The following MAVS variants were observed in gnomAD, a reference collection of about 807,000 sequenced individuals.
MAVS encodes mitochondrial antiviral-signaling protein.
A neutral mutation model predicts 30.2 loss-of-function variants in MAVS; 20 were observed. The ratio of observed to expected loss-of-function variants is 0.66; its 90% CI spans 0.47 to 0.96. The LOEUF (loss-of-function observed/expected upper bound fraction) is 0.96, where lower values mean the gene tolerates loss of function less well. MAVS is among the 40% of genes least tolerant of loss of function. MAVS has a pLI of 0.00. For synonymous variants in MAVS, 278 were observed against 293.9 expected (o/e 0.95, Z 0.55); for missense variants, 624 against 701.1 (o/e 0.89, Z 1.24).
intron 4 of MAVS, among the ~76,000 whole-genome samples, chr20:3,861,742 T>TG (rs2089868849): frequency 7.0e-6 from 1 of 142,478 alleles, no homozygotes; most frequent in African/African-American, 2.6e-5. Flanking sequence ...AGACCACAGT[T>TG]TTGTGTGTGT....
rs758877605 is a variant in MAVS at position 3,866,011 on chromosome 20, A to G, written c.1487A>G (p.Gln496Arg). 22 of 1,612,748 alleles carry G rather than the reference A, an allele frequency of 1.4e-5. No individual in the cohort carries two copies. In the South Asian group the frequency reaches 1.5e-4, roughly 11 times the overall value. Residue 496 changes from glutamine (Q) to arginine (R), a missense_variant, in exon 7 of 7, where the codon CAA becomes CGA. Gln to Arg is a conservative substitution (Grantham distance 43, BLOSUM62 1). Coordinates refer to ENST00000428216, the MANE Select transcript of MAVS (RefSeq NM_020746.5). ...GACCCGGATGGCGGCCCCAGGCCAC[A>G]AGCCGACCGGAAGTTCCAGGAGAGG... Reference protein sequence around the residue: ...PADPDGGPRPQADRKFQEREV... With the variant: ...PADPDGGPRPRADRKFQEREV...
chr20:3,854,200 C>T (rs13042664), intron 1 of MAVS, among the ~76,000 whole-genome samples: 71,470 of 151,214 alleles, frequency 0.47, 19,238 homozygotes, highest in East Asian at 0.76. Flanking sequence ...GGCGGGTGGA[C>T]CACTTGAGGT....
At chr20:3,851,666 T>C (rs2089760939) in intron 1 of MAVS, among the ~76,000 whole-genome samples, 1 of 151,914 alleles carries the variant, frequency 6.6e-6, no homozygotes, top group African/African-American at 2.4e-5. Flanking sequence ...ATCTTAAGAA[T>C]GTATGTGGGC....
At chr20:3,851,925 A>C (rs943482114) in intron 1 of MAVS, among the ~76,000 whole-genome samples, 1 of 151,714 alleles carries the variant, frequency 6.6e-6, no homozygotes, top group Non-Finnish European at 1.5e-5. Context: ...ATTGTACTCC[A>C]GCCTGGGCAA....
chr20:3,853,293 T>A lies in MAVS; in HGVS notation c.-67-1265T>A, dbSNP rs370558532. Among the ~76,000 whole-genome samples the A allele has an allele frequency of 2.7e-5, 4 of 150,456 alleles. No homozygotes were observed. The East Asian group carries it at 8.1e-4, about 30-fold the overall frequency. ...CGAGGTCAGTAAATCGAGACCATCC[T>A]GGCTAACCCCGTGAAACCCCGTCTC... On this transcript the variant is annotated intron_variant, in intron 1 of 6. Coordinates refer to ENST00000428216, the MANE Select transcript of MAVS (RefSeq NM_020746.5).
Position 3,854,648 on chromosome 20 carries a change from CTATAAG to C in MAVS, c.29_34del (p.Lys10_Tyr11del). 1 of 1,613,790 alleles carries C rather than the reference CTATAAG, an allele frequency of 6.2e-7. No individual in the cohort carries two copies. Among genetic ancestry groups the C allele is most frequent in the Non-Finnish European group, 8.5e-7 (1 of 1,179,844 alleles). Reference sequence around the variant, plus strand: ...CAATGCCGTTTGCTGAAGACAAGACCTATAAGTATATCTGCCGCAATTTCAGCAATT... The same window carrying C: ...CAATGCCGTTTGCTGAAGACAAGACCTATATCTGCCGCAATTTCAGCAATT... On this transcript the variant is annotated inframe_deletion, in exon 2 of 7. Coordinates refer to ENST00000428216, the MANE Select transcript of MAVS (RefSeq NM_020746.5).
Position 3,866,007 on chromosome 20 carries a change from C to T in MAVS, c.1483C>T (p.Pro495Ser), listed in dbSNP as rs753244906. The change falls in exon 7 of 7, where the codon CCA (proline) becomes TCA (serine). Residue 495 changes from proline to serine, a missense_variant. Physicochemically the swap from Pro to Ser is moderately conservative, Grantham distance 74 (BLOSUM62 -1). Coordinates refer to ENST00000428216, the MANE Select transcript of MAVS (RefSeq NM_020746.5). Reference protein sequence around the residue: ...PPADPDGGPRPQADRKFQERE... With the variant: ...PPADPDGGPRSQADRKFQERE... ...TGCGGACCCGGATGGCGGCCCCAGG[C>T]CACAAGCCGACCGGAAGTTCCAGGA... 7 of 1,612,928 alleles carry T rather than the reference C, an allele frequency of 4.3e-6. No homozygotes were observed. The Admixed American group carries it at 1.2e-4, about 27-fold the overall frequency.
chr20:3,853,455 C>A (rs2089781550), intron 1 of MAVS, among the ~76,000 whole-genome samples: 1 of 148,358 alleles, frequency 6.7e-6, no homozygotes, highest in Admixed American at 6.8e-5. Flanking sequence ...CACCGCACTC[C>A]AGCCTGGGCG....
chr20:3,849,685 C>A lies in MAVS; in HGVS notation c.-68+2782C>A, dbSNP rs76768480. Among the ~76,000 whole-genome samples, 1,375 of 152,246 alleles carry A rather than the reference C, an allele frequency of 9.0e-3. 15 individuals are homozygous for A. Among genetic ancestry groups the A allele is most frequent in the African/African-American group, 0.03 (1,235 of 41,544 alleles). On this transcript the variant is annotated intron_variant, in intron 1 of 6. Transcript: ENST00000428216. Reference sequence around the variant, plus strand: ...GCTAGTTCAGAAAGGCTTCTTTGACCCCCTAGTTCAAGTAGCATGCCTGTC... The same window carrying A: ...GCTAGTTCAGAAAGGCTTCTTTGACACCCTAGTTCAAGTAGCATGCCTGTC...
intron 1 of MAVS, among the ~76,000 whole-genome samples, chr20:3,850,126 A>C (rs1424356879): frequency 6.6e-6 from 1 of 151,270 alleles, no homozygotes; most frequent in African/African-American, 2.4e-5. Context: ...AAATACAAAA[A>C]ATTAGCCGAG....
rs200848451 is a variant in MAVS at position 3,857,858 on chromosome 20, C to T, written c.292+49C>T. 416 of 1,585,608 alleles carry T rather than the reference C, an allele frequency of 2.6e-4. 1 individual carries two copies. In the East Asian group the frequency reaches 6.1e-3, roughly 23 times the overall value. On this transcript the variant is annotated intron_variant, in intron 3 of 6. Coordinates refer to ENST00000428216, the MANE Select transcript of MAVS (RefSeq NM_020746.5). Reference sequence around the variant, plus strand: ...CTGGACCCCCAGCCTGCTCCCTGGCCTCCGCTCTCCTTTTCTCTCTCCCTG... The same window carrying T: ...CTGGACCCCCAGCCTGCTCCCTGGCTTCCGCTCTCCTTTTCTCTCTCCCTG...
At chr20:3,851,294 C>T (rs1188328990) in intron 1 of MAVS, among the ~76,000 whole-genome samples, 4 of 151,974 alleles carry the variant, frequency 2.6e-5, no homozygotes, top group African/African-American at 7.3e-5. Context: ...CGCCACTGCA[C>T]TCCAGCCTGG....
At chr20:3,854,893 T>C in intron 2 of MAVS, 152 bp downstream of exon 2, 1 of 314,362 alleles carries the variant, frequency 3.2e-6, no homozygotes, top group Non-Finnish European at 6.0e-6. Context: ...CTGCTTTTCT[T>C]TTTTTTTTTT....
chr20:3,854,591 G>A lies in MAVS; in HGVS notation c.-34G>A, dbSNP rs1422366508. The A allele has an allele frequency of 6.7e-7, 1 of 1,498,072 alleles. No individual in the cohort carries two copies. Among genetic ancestry groups the A allele is most frequent in the South Asian group, 1.2e-5 (1 of 86,770 alleles). The allele number at this position is 1,498,072 out of a possible 1,614,324, so 92.8% of individuals were successfully genotyped here. ...CCTCTCAGTCCATCCACCCTTCATG[G>A]GGCCAGAGCCCTCTCTCCAGAATCT... On this transcript the variant is annotated 5_prime_UTR_variant, in exon 2 of 7. Coordinates refer to ENST00000428216, the MANE Select transcript of MAVS (RefSeq NM_020746.5).
At chr20:3,850,702 C>T (rs1195173530) in intron 1 of MAVS, among the ~76,000 whole-genome samples, 8 of 150,956 alleles carry the variant, frequency 5.3e-5, no homozygotes, top group East Asian at 3.9e-4. Context: ...CTGGCTAACA[C>T]GGTGAAACCC....
chr20:3,874,363 C>T lies in MAVS; in HGVS notation c.*8216C>T. 1 of 397,424 alleles carries T rather than the reference C, an allele frequency of 2.5e-6. No homozygotes were observed. Among genetic ancestry groups the T allele is most frequent in the African/African-American group, 2.1e-5 (1 of 48,692 alleles). The allele number at this position is 397,424 out of a possible 1,614,324, so 24.6% of individuals were successfully genotyped here. On this transcript the variant is annotated 3_prime_UTR_variant, in exon 7 of 7. Coordinates refer to ENST00000428216, the MANE Select transcript of MAVS (RefSeq NM_020746.5). ...GTATTGTCAGTTTGTTTCCAGACTC[C>T]CTGTTGGAGATGTGGAAATAAAAAC...
At chr20:3,864,183 G>C (rs1449179639) in intron 5 of MAVS, 73 bp from the exon 6 acceptor site, 1 of 1,498,702 alleles carries the variant, frequency 6.7e-7, no homozygotes, top group Non-Finnish European at 9.0e-7. Context: ...ATCTGGGCCA[G>C]AGGGACCCTT....
intron 3 of MAVS, among the ~76,000 whole-genome samples, chr20:3,860,594 C>T (rs1212291002): frequency 3.4e-5 from 5 of 148,944 alleles, no homozygotes; most frequent in Admixed American, 1.3e-4. Flanking sequence ...AGGCTGGTCT[C>T]GAACTCACGA....
intron 1 of MAVS, among the ~76,000 whole-genome samples, chr20:3,847,889 C>G (rs1342695317): frequency 6.6e-6 from 1 of 152,156 alleles, no homozygotes; most frequent in Non-Finnish European, 1.5e-5. Flanking sequence ...TTCCCTGTCA[C>G]GGGATTGGGG....
Sources: allele counts gnomAD v4.1 joint callset (sites outside exome capture counted in the v4.1 genomes callset), GRCh38; gene constraint gnomAD v4.1.1; transcripts MANE v1.5; gene names NCBI Gene and HGNC (gene_info 2026-07-23, HGNC 2026-07-21).